The following SORBS3 variants were observed in gnomAD, a reference collection of about 807,000 sequenced individuals.
SORBS3 encodes sorbin and SH3 domain containing 3.
In SORBS3, 69 loss-of-function variants were observed where a neutral mutation model predicts 98.0. The ratio of observed to expected loss-of-function variants is 0.70; its 90% CI spans 0.58 to 0.86. SORBS3 has a LOEUF of 0.86. Ranked by LOEUF, SORBS3 falls within the 40% of genes least tolerant of loss-of-function variation. The probability of loss-of-function intolerance (pLI) is 0.00; values close to 1 mark genes in which losing one functional copy is unlikely to be tolerated. For missense variants in SORBS3, 954 were observed against 908.5 expected, an observed-to-expected ratio of 1.05 and a Z score of -0.64; for synonymous variants, 394 against 355.4, an observed-to-expected ratio of 1.11 and a Z score of -1.22.
chr8:22,562,676 A>G (rs1840320396), intron 7 of SORBS3, among the ~76,000 whole-genome samples: 4 of 152,196 alleles, frequency 2.6e-5, no homozygotes, highest in Admixed American at 2.6e-4. Context: ...TAGCCATGTG[A>G]CTGTGGGTAC....
upstream of SORBS3, among the ~76,000 whole-genome samples, chr8:22,548,440 G>C (rs1262373448): frequency 6.6e-6 from 1 of 152,188 alleles, no homozygotes; most frequent in Non-Finnish European, 1.5e-5. Context: ...TGGCCTTCTA[G>C]AGAAGTCCAA....
intron 20 of SORBS3, among the ~76,000 whole-genome samples, chr8:22,573,982 A>G (rs951814834): frequency 6.6e-6 from 1 of 152,082 alleles, no homozygotes; most frequent in African/African-American, 2.4e-5. Flanking sequence ...TGCAGGGAAA[A>G]GGGGCAGGGC....
chr8:22,570,852 C>A, intron 17 of SORBS3, 58 bp from the exon 18 acceptor site: 1 of 1,493,728 alleles, frequency 6.7e-7, no homozygotes, highest in Non-Finnish European at 9.1e-7. Context: ...CCAGATAAGG[C>A]ACCCGTGGGT....
intron 7 of SORBS3, among the ~76,000 whole-genome samples, chr8:22,562,171 C>T (rs748727687): frequency 2.0e-5 from 3 of 152,246 alleles, no homozygotes; most frequent in Non-Finnish European, 4.4e-5. Context: ...GCACCCGCTC[C>T]TGGCCAGGAA....
chr8:22,545,226 T>C (rs1840004852), intron 1 of SORBS3: 1 of 152,438 alleles, frequency 6.6e-6, no homozygotes, highest in Non-Finnish European at 1.5e-5. Flanking sequence ...ACAGTCCCTT[T>C]CAGTATTGCT....
In SORBS3 at chr8:22,564,471, A is replaced by G; in HGVS notation, c.766A>G (p.Lys256Glu). 5 of 1,614,126 alleles carry G rather than the reference A, an allele frequency of 3.1e-6. No homozygotes were observed. Among genetic ancestry groups the G allele is most frequent in the Non-Finnish European group, 4.2e-6 (5 of 1,180,008 alleles). The change falls in exon 10 of 21, where the codon AAG (lysine) becomes GAG (glutamate). Residue 256 changes from lysine to glutamate, a missense_variant. By Grantham distance (56) the Lys-to-Glu change is moderately conservative. Coordinates refer to ENST00000240123, the MANE Select transcript of SORBS3 (RefSeq NM_005775.5). ...LQELETGQRPKKPLVDDPGEK... is the reference protein window; with the variant it reads ...LQELETGQRPEKPLVDDPGEK... ...ACACACCCTTTCTACCCTTCAGCCC[A>G]AGAAACCGCTGGTGGACGACCCTGG...
chr8:22,568,258 C>T (rs571398345), intron 16 of SORBS3, among the ~76,000 whole-genome samples: 6 of 152,212 alleles, frequency 3.9e-5, no homozygotes, highest in East Asian at 1.9e-4. Context: ...GTTTTTCTCT[C>T]GTTTTTGTTT....
intron 7 of SORBS3, among the ~76,000 whole-genome samples, chr8:22,562,278 G>C (rs1840313812): frequency 6.6e-6 from 1 of 152,198 alleles, no homozygotes; most frequent in Admixed American, 6.5e-5. Context: ...GGACAGCCGT[G>C]GACAGAACTG....
chr8:22,553,638 G>A (rs1053864846), intron 1 of SORBS3, among the ~76,000 whole-genome samples: 1 of 152,208 alleles, frequency 6.6e-6, no homozygotes, highest in Non-Finnish European at 1.5e-5. Flanking sequence ...GGAAGACCCT[G>A]CACTCACAAA....
At chr8:22,569,528 C>G (rs1010344187) in intron 17 of SORBS3, among the ~76,000 whole-genome samples, 2 of 152,062 alleles carry the variant, frequency 1.3e-5, no homozygotes, top group Non-Finnish European at 2.9e-5. Flanking sequence ...TTAGTAGAGA[C>G]AGGGTTTCAC....
upstream of SORBS3, chr8:22,549,979 G>A (rs1840057563): frequency 1.0e-6 from 1 of 985,452 alleles, no homozygotes; most frequent in South Asian, 4.7e-5. Context: ...AGTCGGAAGA[G>A]CTTCAGCTTC....
At chr8:22,568,916 T>TAG (rs1428418081) in intron 16 of SORBS3, among the ~76,000 whole-genome samples, 31 of 152,344 alleles carry the variant, frequency 2.0e-4, no homozygotes, top group Non-Finnish European at 3.8e-4. Flanking sequence ...GCCCACTCCA[T>TAG]ATATCCCTAT....
intron 13 of SORBS3, 86 bp from the exon 14 acceptor site, chr8:22,566,571 CCTTG>C: frequency 6.3e-7 from 1 of 1,580,980 alleles, no homozygotes; most frequent in South Asian, 1.2e-5. Context: ...TCACAGAGCC[CCTTG>C]CTTCTGCCAG....
At chr8:22,573,717 G>T (rs1337742795) in intron 20 of SORBS3, among the ~76,000 whole-genome samples, 1 of 152,232 alleles carries the variant, frequency 6.6e-6, no homozygotes, top group Non-Finnish European at 1.5e-5. Flanking sequence ...AAGTCAGGGT[G>T]CCAGCCTGGA....
chr8:22,573,370 A>G (rs1840639633), intron 20 of SORBS3: 1 of 456,178 alleles, frequency 2.2e-6, no homozygotes. Flanking sequence ...CCACTTTTGT[A>G]TTAGGAGCCA....
intron 17 of SORBS3, 44 bp from the exon 18 acceptor site, chr8:22,570,866 T>C: frequency 6.5e-7 from 1 of 1,546,562 alleles, no homozygotes; most frequent in Non-Finnish European, 8.8e-7. Context: ...CGTGGGTCCA[T>C]GGCACCAGGA....
intron 20 of SORBS3, chr8:22,573,436 C>G (rs1019110878): frequency 2.2e-6 from 1 of 454,420 alleles, no homozygotes; most frequent in African/African-American, 2.0e-5. Context: ...TGGCAGCCAC[C>G]GGCGGCATTC....
At chr8:22,551,875 GC>G, upstream of SORBS3, 1 of 985,352 alleles carries the variant, frequency 1.0e-6, no homozygotes, top group Non-Finnish European at 1.2e-6. This position sits in a 1 kb window ranked among gnomAD's most constrained non-coding sequence, Gnocchi z 5.8. Flanking sequence ...GCCCGGCCCG[GC>G]CCGTCCTGAC....
chr8:22,569,760 A>T (rs1488102992), intron 17 of SORBS3, among the ~76,000 whole-genome samples: 1 of 151,598 alleles, frequency 6.6e-6, no homozygotes, highest in African/African-American at 2.4e-5. Flanking sequence ...TTTTTTTGAG[A>T]CAGCATCTCA....
Sources: allele counts gnomAD v4.1 joint callset (sites outside exome capture counted in the v4.1 genomes callset), GRCh38; gene constraint gnomAD v4.1.1; non-coding constraint Gnocchi (gnomAD v3.1); transcripts MANE v1.5; gene names NCBI Gene and HGNC (gene_info 2026-07-23, HGNC 2026-07-21).